The following TXLNB variants were observed in gnomAD, a reference collection of about 807,000 sequenced individuals.
The protein encoded by TXLNB is beta-taxilin.
A neutral mutation model predicts 57.4 loss-of-function variants in TXLNB; 37 were observed. The observed-to-expected ratio is 0.64, with a 90% confidence interval of 0.50 to 0.85. The LOEUF is 0.85. TXLNB is among the 40% of genes least tolerant of loss of function. TXLNB has a pLI of 0.00. For missense variants in TXLNB, 848 were observed against 825.6 expected, an observed-to-expected ratio of 1.03 and a Z score of -0.33; for synonymous variants, 302 against 309.6, an observed-to-expected ratio of 0.98 and a Z score of 0.26.
chr6:139,269,406 T>C (rs898667129), intron 4 of TXLNB, among the ~76,000 whole-genome samples: 5 of 152,238 alleles, frequency 3.3e-5, no homozygotes, highest in Non-Finnish European at 5.9e-5. Context: ...TTGAGGACGA[T>C]GCTTCCATCC....
At chr6:139,270,670 C>T in intron 3 of TXLNB, 44 bp from the exon 4 acceptor site, 1 of 1,580,524 alleles carries the variant, frequency 6.3e-7, no homozygotes, top group Non-Finnish European at 8.7e-7. Flanking sequence ...TGGCAGGGAT[C>T]TCCTTGGAGT....
rs138957599 is a variant in TXLNB at position 139,240,594 on chromosome 6, T to C, written c.*1932A>G. Reference sequence around the variant, plus strand: ...CTGGATTATGGTGAATATTTAGCTCTGAATCAAATGAATGTTTAAATCTCT... The same window carrying C: ...CTGGATTATGGTGAATATTTAGCTCCGAATCAAATGAATGTTTAAATCTCT... On this transcript the variant is annotated 3_prime_UTR_variant, in exon 10 of 10. Transcript: ENST00000358430. 7.5e-3 allele frequency: 1,139 copies of C among 152,806 alleles called. 9 individuals carry two copies. Among genetic ancestry groups the C allele is most frequent in the Middle Eastern group, 0.02 (6 of 294 alleles). 9.5% of individuals were successfully genotyped at this position (152,806 alleles called of 1,614,324 possible).
At chr6:139,169,694 T>A in the TXLNB span, 2 of 152,230 alleles carry the variant, frequency 1.3e-5, no homozygotes, top group Admixed American at 6.5e-5. Flanking sequence ...TAGTCTTTCA[T>A]CTTCCAGTAG....
the TXLNB span, chr6:139,167,441 G>T: frequency 1.2e-6 from 1 of 841,972 alleles, no homozygotes; most frequent in East Asian, 2.6e-5. Context: ...GTTCTAGTCA[G>T]GTGCTAGGTA....
At chr6:139,175,975 A>C in the TXLNB span, among the ~76,000 whole-genome samples, 2 of 152,258 alleles carry the variant, frequency 1.3e-5, no homozygotes, top group Non-Finnish European at 2.9e-5. Flanking sequence ...GTTAGACGCT[A>C]CTAATGAATC....
At chr6:139,300,926 T>C in the TXLNB span, among the ~76,000 whole-genome samples, 1 of 152,106 alleles carries the variant, frequency 6.6e-6, no homozygotes, top group African/African-American at 2.4e-5. Context: ...CCTTGTGTGT[T>C]CCTTAATTCA....
In TXLNB at chr6:139,240,895, A is replaced by C. The variant is rs1165063204; in HGVS notation, c.*1631T>G. 6.6e-6 allele frequency: 1 copy of C among 152,174 alleles called. No homozygotes were observed. Among genetic ancestry groups the C allele is most frequent in the Non-Finnish European group, 1.5e-5 (1 of 68,018 alleles). 9.4% of individuals were successfully genotyped at this position (152,174 alleles called of 1,614,324 possible). A position where few individuals can be genotyped will look rare whatever the true frequency, so the allele number is the denominator to read the frequency against. On this transcript the variant is annotated 3_prime_UTR_variant, in exon 10 of 10. Transcript: ENST00000358430. The stretch of plus-strand genomic sequence containing the variant: ...TGGTTTCCTGGATGAGTACTAGAGA[A>C]TTTTGTTTCTATCCATTTTTCTACT...
chr6:139,255,548 G>A lies in TXLNB; in HGVS notation c.1077+16C>T, dbSNP rs200835658. The A allele has an allele frequency of 8.8e-5, 142 of 1,612,710 alleles. No individual in the cohort carries two copies. In the African/African-American group the frequency reaches 9.2e-4, roughly 10 times the overall value. On this transcript the variant is annotated intron_variant, in intron 7 of 9. Transcript: ENST00000358430. ...AGTGAGGACAGCACCCCCATGCCTCGTCCACCTGGCCTCACCTGAGCCTGC... is the reference window on the plus strand; with the variant it reads ...AGTGAGGACAGCACCCCCATGCCTCATCCACCTGGCCTCACCTGAGCCTGC...
At position 139,247,805 on chromosome 6, in the gene TXLNB, A is replaced by G. The variant is rs767944687; in HGVS notation, c.1170+12T>C. 1.1e-5 allele frequency: 18 copies of G among 1,569,882 alleles called. No homozygotes were observed. The East Asian group carries it at 4.1e-4, about 36-fold the overall frequency. The stretch of plus-strand genomic sequence containing the variant: ...AAATGTCAATATTTTGTTGGTGATA[A>G]GCAATACTCACTTTGTCCATTTCCT... On this transcript the variant is annotated intron_variant, in intron 8 of 9. Transcript: ENST00000358430.
chr6:139,244,261 A>G (rs543381331), intron 9 of TXLNB, among the ~76,000 whole-genome samples: 4 of 152,326 alleles, frequency 2.6e-5, no homozygotes, highest in African/African-American at 9.6e-5. Context: ...TATGTGTCAG[A>G]CACTGGGGAA....
At chr6:139,210,845 A>G in the TXLNB span, among the ~76,000 whole-genome samples, 5,157 of 152,338 alleles carry the variant, frequency 0.034, 232 homozygotes, top group African/African-American at 0.1. Context: ...TCCCGCGCCT[A>G]GCTCGGAGGG....
chr6:139,227,025 T>TCAAAACAAAA, the TXLNB span, among the ~76,000 whole-genome samples: 3 of 151,346 alleles, frequency 2.0e-5, no homozygotes, highest in African/African-American at 7.3e-5. Flanking sequence ...AGACTCTGTT[T>TCAAAACAAAA]CAAAACAAAA....
intron 1 of TXLNB, among the ~76,000 whole-genome samples, chr6:139,289,511 C>A (rs975310613): frequency 2.6e-5 from 4 of 152,174 alleles, no homozygotes; most frequent in African/African-American, 7.2e-5. Context: ...GTTTTGTCTG[C>A]GGCTTGTCCT....
chr6:139,288,316 T>C (rs776982440), intron 2 of TXLNB, among the ~76,000 whole-genome samples, 160 bp downstream of exon 2: 7 of 152,142 alleles, frequency 4.6e-5, no homozygotes, highest in Non-Finnish European at 1.0e-4. Flanking sequence ...CTGAGCTCCA[T>C]TGAGGGGTAA....
At chr6:139,259,822 T>C (rs191703693) in intron 6 of TXLNB, among the ~76,000 whole-genome samples, 2 of 152,328 alleles carry the variant, frequency 1.3e-5, no homozygotes, top group Admixed American at 1.3e-4. Context: ...GACTATTTTA[T>C]GTAGAAAGTA....
intron 5 of TXLNB, among the ~76,000 whole-genome samples, chr6:139,261,807 C>G (rs1186176992): frequency 1.3e-5 from 2 of 150,586 alleles, no homozygotes; most frequent in African/African-American, 4.9e-5. Flanking sequence ...TTGCCTGATA[C>G]AAACTAACCA....
At chr6:139,261,223 A>C (rs1198017746) in intron 5 of TXLNB, among the ~76,000 whole-genome samples, 1 of 152,170 alleles carries the variant, frequency 6.6e-6, no homozygotes. Flanking sequence ...ATAGCAGCCC[A>C]TTCCCATCTG....
intron 3 of TXLNB, chr6:139,271,475 A>G (rs1776762094): frequency 6.6e-6 from 1 of 152,172 alleles, no homozygotes; most frequent in African/African-American, 2.4e-5. Flanking sequence ...CTGAAGTTCT[A>G]GGGTAGGGTT....
chr6:139,172,253 T>C, the TXLNB span, among the ~76,000 whole-genome samples: 1 of 152,248 alleles, frequency 6.6e-6, no homozygotes, highest in Non-Finnish European at 1.5e-5. Flanking sequence ...CATGAGCCAC[T>C]GTGCCTAGCC....
Sources: allele counts gnomAD v4.1 joint callset (sites outside exome capture counted in the v4.1 genomes callset), GRCh38; gene constraint gnomAD v4.1.1; transcripts MANE v1.5; gene names NCBI Gene and HGNC (gene_info 2026-07-23, HGNC 2026-07-21).